Variants in HS3ST5 observed in about 807,000 individuals in gnomAD.
The protein encoded by HS3ST5 is heparan sulfate-glucosamine 3-sulfotransferase 5, also known as heparan sulfate glucosamine 3-O-sulfotransferase 5.
HS3ST5 carries 10 observed loss-of-function variants against 25.4 expected under a neutral mutation model. The ratio of observed to expected loss-of-function variants is 0.39; its 90% CI spans 0.24 to 0.67. HS3ST5 has a LOEUF of 0.67. HS3ST5 is among the 30% of genes least tolerant of loss of function. The pLI, the probability that HS3ST5 is intolerant of heterozygous loss-of-function variation, is 0.44. For synonymous variants in HS3ST5, 170 were observed against 162.4 expected (o/e 1.05, Z -0.36); for missense variants, 324 against 420.7 (o/e 0.77, Z 2.01).
chr6:114,203,313 C>T (rs781152839), intron 2 of HS3ST5, among the ~76,000 whole-genome samples: 31 of 152,164 alleles, frequency 2.0e-4, no homozygotes, highest in Non-Finnish European at 4.1e-4. Context: ...TTAGCTTTAA[C>T]ACAAAGATGG....
chr6:114,301,801 C>G (rs959771510), intron 1 of HS3ST5, among the ~76,000 whole-genome samples: 1 of 152,090 alleles, frequency 6.6e-6, no homozygotes, highest in Non-Finnish European at 1.5e-5. Flanking sequence ...TCTCCCAGGA[C>G]CATGACACAG....
intron 3 of HS3ST5, among the ~76,000 whole-genome samples, chr6:114,093,179 T>C (rs1181739917): frequency 1.3e-5 from 2 of 152,092 alleles, no homozygotes; most frequent in East Asian, 1.9e-4. Flanking sequence ...ATCCTCCACA[T>C]GCACCAGTCT....
At chr6:114,135,263 T>C (rs528799805) in intron 3 of HS3ST5, among the ~76,000 whole-genome samples, 2 of 152,296 alleles carry the variant, frequency 1.3e-5, no homozygotes, top group South Asian at 4.1e-4. Context: ...TTCACAGCAC[T>C]ATTGATTAGA....
chr6:114,084,449 A>C, intron 3 of HS3ST5: 1 of 756,862 alleles, frequency 1.3e-6, no homozygotes, highest in Non-Finnish European at 2.4e-6. Flanking sequence ...TCTCTGTAGA[A>C]GTAGAGATCA....
intron 1 of HS3ST5, among the ~76,000 whole-genome samples, chr6:114,286,333 C>A (rs976305879): frequency 6.6e-6 from 1 of 151,840 alleles, no homozygotes; most frequent in African/African-American, 2.4e-5. Flanking sequence ...TGGGAAATTG[C>A]TAATCAATGG....
intron 3 of HS3ST5, among the ~76,000 whole-genome samples, chr6:114,153,585 T>G (rs1465604347): frequency 1.3e-5 from 2 of 152,232 alleles, no homozygotes; most frequent in Non-Finnish European, 2.9e-5. Context: ...GATTATCATA[T>G]TCTGTCTTAT....
chr6:114,246,375 G>A (rs999375725), intron 1 of HS3ST5, among the ~76,000 whole-genome samples: 2 of 152,106 alleles, frequency 1.3e-5, no homozygotes. Flanking sequence ...GTTTTTTTGA[G>A]GATCGAAAGT....
chr6:114,095,095 C>A (rs953850413), intron 3 of HS3ST5, among the ~76,000 whole-genome samples: 1 of 152,130 alleles, frequency 6.6e-6, no homozygotes, highest in African/African-American at 2.4e-5. Flanking sequence ...AAACTCATGC[C>A]CCATAGGATT....
chr6:114,104,406 CAGCCCAT>C (rs1220313894), intron 3 of HS3ST5, among the ~76,000 whole-genome samples: 1 of 152,210 alleles, frequency 6.6e-6, no homozygotes, highest in Admixed American at 6.5e-5. Flanking sequence ...GGCCTCCCGG[CAGCCCAT>C]AGCCATTTTA....
chr6:114,056,177 TC>T lies in HS3ST5; in HGVS notation c.*1079del, dbSNP rs1223629528. The T allele has an allele frequency of 6.6e-6, 1 of 152,216 alleles. No homozygotes were observed. Among genetic ancestry groups the T allele is most frequent in the Non-Finnish European group, 1.5e-5 (1 of 68,040 alleles). The allele number at this position is 152,216 out of a possible 1,614,324, so 9.4% of individuals were successfully genotyped here. A position where few individuals can be genotyped will look rare whatever the true frequency, so the allele number is the denominator to read the frequency against. ...CTGTTAAAATATTCCTTGTCTCTCT[TC>T]CTGAGCAGCAGCAACTGCGAGTAAA... On this transcript the variant is annotated 3_prime_UTR_variant, in exon 5 of 5. Coordinates refer to ENST00000312719, the MANE Select transcript of HS3ST5 (RefSeq NM_153612.4).
intron 2 of HS3ST5, among the ~76,000 whole-genome samples, chr6:114,205,807 T>A (rs997138829): frequency 1.3e-5 from 2 of 152,102 alleles, no homozygotes; most frequent in African/African-American, 2.4e-5. Flanking sequence ...GCAACTTAGA[T>A]CCCTCACACG....
intron 3 of HS3ST5, among the ~76,000 whole-genome samples, chr6:114,078,033 G>A (rs951050295): frequency 6.6e-6 from 1 of 152,030 alleles, no homozygotes; most frequent in African/African-American, 2.4e-5. Flanking sequence ...TAAACCATTA[G>A]CAGACTGTGC....
chr6:114,206,956 C>T (rs1278292010), intron 2 of HS3ST5, among the ~76,000 whole-genome samples: 1 of 152,194 alleles, frequency 6.6e-6, no homozygotes, highest in African/African-American at 2.4e-5. Flanking sequence ...CTTCAGTCTA[C>T]TTGAGTCTGA....
At chr6:114,175,923 T>A (rs1276922247) in intron 2 of HS3ST5, among the ~76,000 whole-genome samples, 1 of 152,204 alleles carries the variant, frequency 6.6e-6, no homozygotes, top group Non-Finnish European at 1.5e-5. Context: ...CCTTTGTCTC[T>A]TTAGTATATT....
intron 3 of HS3ST5, among the ~76,000 whole-genome samples, chr6:114,151,510 C>T (rs1228069566): frequency 6.6e-6 from 1 of 152,216 alleles, no homozygotes. Context: ...AACTAATGGT[C>T]TGCAGCTACC....
intron 1 of HS3ST5, among the ~76,000 whole-genome samples, chr6:114,245,024 C>T (rs1772315304): frequency 6.6e-6 from 1 of 152,282 alleles, no homozygotes; most frequent in African/African-American, 2.4e-5. Flanking sequence ...TAGGAACTTA[C>T]AGAATTCCAG....
At chr6:114,301,958 C>A (rs1354125874) in intron 1 of HS3ST5, among the ~76,000 whole-genome samples, 1 of 152,140 alleles carries the variant, frequency 6.6e-6, no homozygotes, top group Non-Finnish European at 1.5e-5. Flanking sequence ...AAAACTGTAA[C>A]GTGTATTTAT....
chr6:114,162,027 C>A (rs1778999389), intron 3 of HS3ST5, among the ~76,000 whole-genome samples: 1 of 151,928 alleles, frequency 6.6e-6, no homozygotes, highest in Non-Finnish European at 1.5e-5. Context: ...AATGAAACAT[C>A]ATTTTTTAGT....
chr6:114,227,015 G>A (rs1197140501), intron 2 of HS3ST5, among the ~76,000 whole-genome samples: 1 of 151,800 alleles, frequency 6.6e-6, no homozygotes. Flanking sequence ...ATAAACTTGT[G>A]AACTACAAAT....
Sources: gnomAD v4.1 joint callset for allele counts (sites outside exome capture counted in the v4.1 genomes callset) on GRCh38, gnomAD v4.1.1 for gene constraint, MANE v1.5 for transcripts, NCBI Gene and HGNC (gene_info 2026-07-23, HGNC 2026-07-21) for gene names.